The following AEBP2 variants were observed in gnomAD, a reference collection of about 807,000 sequenced individuals.
The protein encoded by AEBP2 is AE binding protein 2, also known as zinc finger protein AEBP2.
A neutral mutation model predicts 50.8 loss-of-function variants in AEBP2; 10 were observed. That is an observed-to-expected ratio of 0.20 (90% CI 0.12 to 0.33). The LOEUF (loss-of-function observed/expected upper bound fraction) is 0.33, where lower values mean the gene tolerates loss of function less well. AEBP2 is among the 10% of genes least tolerant of loss of function. The pLI is 1.00. For synonymous variants in AEBP2, 296 were observed against 261.3 expected, an observed-to-expected ratio of 1.13 and a Z score of -1.28; for missense variants, 570 against 688.0, an observed-to-expected ratio of 0.83 and a Z score of 1.92.
In AEBP2 at chr12:19,512,323, A is replaced by G; in HGVS notation, c.1300-75A>G. On this transcript the variant is annotated intron_variant, in intron 5 of 7. Transcript: ENST00000266508. The stretch of plus-strand genomic sequence containing the variant: ...GCATGAGCCATCGCGCCCAGCCCCA[A>G]AAGTGTTTTTTAACAATACATGAAA... 6 of 1,082,356 alleles carry G rather than the reference A, an allele frequency of 5.5e-6. No homozygotes were observed. The South Asian group carries it at 6.2e-5, about 11-fold the overall frequency. The allele number at this position is 1,082,356 out of a possible 1,614,324, so 67.0% of individuals were successfully genotyped here.
chr12:19,469,657 C>T (rs1450597135), intron 2 of AEBP2, among the ~76,000 whole-genome samples: 1 of 152,112 alleles, frequency 6.6e-6, no homozygotes, highest in Non-Finnish European at 1.5e-5. Flanking sequence ...CTTTGTTGCC[C>T]ATACTGGTTT....
chr12:19,474,687 A>G (rs1948621787), intron 3 of AEBP2, among the ~76,000 whole-genome samples: 1 of 152,102 alleles, frequency 6.6e-6, no homozygotes, highest in Admixed American at 6.5e-5. Context: ...AAATACACAG[A>G]TTACTTGTTT....
intron 1 of AEBP2, among the ~76,000 whole-genome samples, chr12:19,421,049 A>T (rs2095745411): frequency 6.6e-6 from 1 of 152,086 alleles, no homozygotes; most frequent in Non-Finnish European, 1.5e-5. Flanking sequence ...CACTAATTAG[A>T]ATGGCTTGAG....
chr12:19,434,400 C>T (rs1346454793), intron 1 of AEBP2, among the ~76,000 whole-genome samples: 4 of 152,026 alleles, frequency 2.6e-5, no homozygotes, highest in East Asian at 1.9e-4. Context: ...CTTGAACTCC[C>T]GACCTCAGGT....
intron 5 of AEBP2, among the ~76,000 whole-genome samples, chr12:19,510,746 C>T (rs1017176315): frequency 5.9e-5 from 9 of 151,958 alleles, no homozygotes; most frequent in East Asian, 1.9e-4. Flanking sequence ...TTTATTAAAG[C>T]GGAGCCAGAA....
chr12:19,491,095 C>T (rs1948890004), intron 3 of AEBP2, among the ~76,000 whole-genome samples: 1 of 152,146 alleles, frequency 6.6e-6, no homozygotes, highest in African/African-American at 2.4e-5. Context: ...CGTAGGTTTG[C>T]AGTGACCTTG....
intron 5 of AEBP2, among the ~76,000 whole-genome samples, chr12:19,507,690 G>A (rs538852585): frequency 8.8e-4 from 134 of 152,194 alleles, no homozygotes; most frequent in African/African-American, 3.1e-3. Context: ...GAAAGTGGAA[G>A]GAAGAGACAT....
intron 3 of AEBP2, among the ~76,000 whole-genome samples, chr12:19,481,018 G>A: frequency 6.6e-6 from 1 of 150,582 alleles, no homozygotes; most frequent in Admixed American, 6.6e-5. Context: ...TTGTCTGATT[G>A]GGTTATTTCG....
chr12:19,474,580 G>C (rs1948620414), intron 3 of AEBP2, among the ~76,000 whole-genome samples: 1 of 151,622 alleles, frequency 6.6e-6, no homozygotes. Context: ...TAAATATGTA[G>C]TCTCATTCTC....
intron 1 of AEBP2, among the ~76,000 whole-genome samples, chr12:19,422,543 C>G (rs1454445245): frequency 1.3e-5 from 2 of 151,462 alleles, no homozygotes; most frequent in Non-Finnish European, 2.9e-5. Flanking sequence ...GTTGCCCAAG[C>G]TGGAGTGCAG....
intron 4 of AEBP2, among the ~76,000 whole-genome samples, chr12:19,499,479 T>G (rs1949034580): frequency 6.6e-6 from 1 of 151,942 alleles, no homozygotes; most frequent in South Asian, 2.1e-4. Flanking sequence ...CCGGGCTTGG[T>G]GGTGTGCGCC....
chr12:19,414,629 C>T (rs559301196), intron 1 of AEBP2, among the ~76,000 whole-genome samples: 4 of 152,248 alleles, frequency 2.6e-5, no homozygotes, highest in South Asian at 2.1e-4. Context: ...TCTTCTCACC[C>T]TAGTCCCAGC....
At chr12:19,454,023 T>C (rs529528879) in intron 1 of AEBP2, among the ~76,000 whole-genome samples, 2 of 152,206 alleles carry the variant, frequency 1.3e-5, no homozygotes, top group East Asian at 3.9e-4. Context: ...TTTGGAGATA[T>C]GGACAGTCTC....
chr12:19,437,959 A>G (rs1320203958), upstream of AEBP2, among the ~76,000 whole-genome samples: 1 of 152,198 alleles, frequency 6.6e-6, no homozygotes, highest in African/African-American at 2.4e-5. Flanking sequence ...TTCCTTGAGT[A>G]GAAGCATCCC....
chr12:19,458,110 G>A (rs1200412432), intron 1 of AEBP2, among the ~76,000 whole-genome samples: 1 of 152,180 alleles, frequency 6.6e-6, no homozygotes, highest in Non-Finnish European at 1.5e-5. Context: ...GTTACATAAC[G>A]TATTATAGGA....
At chr12:19,493,462 A>G (rs1005466415) in intron 3 of AEBP2, among the ~76,000 whole-genome samples, 1 of 152,188 alleles carries the variant, frequency 6.6e-6, no homozygotes, top group Admixed American at 6.5e-5. Context: ...TTTGTTGCAA[A>G]AACAGCTTAG....
At chr12:19,473,101 T>C (rs1197692435) in intron 2 of AEBP2, 147 bp from the exon 3 acceptor site, 2 of 324,446 alleles carry the variant, frequency 6.2e-6, no homozygotes, top group Non-Finnish European at 1.1e-5. Context: ...TTTGACAGTT[T>C]ATGTATATTA....
rs961653432 is a variant in AEBP2, at chr12:19,453,130, G to A, written c.672-9380G>A. ...ACCACGGGTACCCGCCACCAGCCCC[G>A]GATGATTTTTTTGTATTTTTAGTAA... On this transcript the variant is annotated intron_variant, in intron 1 of 7. Coordinates refer to ENST00000266508, the MANE Select transcript of AEBP2 (RefSeq NM_153207.5). Among the ~76,000 whole-genome samples, 14 of 151,554 alleles carry A rather than the reference G, an allele frequency of 9.2e-5. No individual in the cohort carries two copies. The East Asian group carries it at 1.4e-3, about 15-fold the overall frequency.
chr12:19,477,162 A>G (rs367742000), intron 3 of AEBP2, among the ~76,000 whole-genome samples: 1 of 152,132 alleles, frequency 6.6e-6, no homozygotes, highest in Non-Finnish European at 1.5e-5. Context: ...TGATTTTTGT[A>G]TCCTGAAAGT....
Sources: allele counts gnomAD v4.1 joint callset (sites outside exome capture counted in the v4.1 genomes callset), GRCh38; gene constraint gnomAD v4.1.1; transcripts MANE v1.5; gene names NCBI Gene and HGNC (gene_info 2026-07-23, HGNC 2026-07-21).